LCORL: variants seen among roughly 807,000 people sequenced by gnomAD.
LCORL encodes the protein ligand-dependent nuclear receptor corepressor-like protein.
A neutral mutation model predicts 141.8 loss-of-function variants in LCORL; 41 were observed. The observed-to-expected ratio is 0.29, with a 90% CI of 0.23 to 0.38. The LOEUF (loss-of-function observed/expected upper bound fraction) is 0.38. LCORL is among the 10% of genes least tolerant of loss of function. The pLI, the probability that LCORL is intolerant of heterozygous loss-of-function variation, is 1.00. For missense variants in LCORL, 1,759 were observed against 2,035.0 expected (o/e 0.86, Z 2.61); for synonymous variants, 618 against 694.1 (o/e 0.89, Z 1.72).
chr4:17,848,316 G>A (rs1723178312), intron 7 of LCORL, among the ~76,000 whole-genome samples: 1 of 152,186 alleles, frequency 6.6e-6, no homozygotes, highest in Admixed American at 6.5e-5. Flanking sequence ...GCTGGAACCA[G>A]GGGCATTAGA....
intron 2 of LCORL, among the ~76,000 whole-genome samples, chr4:17,963,576 G>A (rs1481559940): frequency 6.6e-6 from 1 of 151,816 alleles, no homozygotes; most frequent in Non-Finnish European, 1.5e-5. Context: ...TAAAGGCTTT[G>A]TTGCAAGAAT....
At chr4:17,891,096 T>C (rs1265538070) in intron 5 of LCORL, among the ~76,000 whole-genome samples, 1 of 152,186 alleles carries the variant, frequency 6.6e-6, no homozygotes, top group African/African-American at 2.4e-5. Context: ...TTAAACCTAA[T>C]GTGTTTAAAA....
chr4:17,881,768 A>C (rs1197611663), intron 6 of LCORL: 15 of 976,384 alleles, frequency 1.5e-5, no homozygotes, highest in African/African-American at 1.8e-5. Context: ...AAAGCCCCCA[A>C]AGTTTTCCAA....
intron 1 of LCORL, among the ~76,000 whole-genome samples, chr4:17,999,771 G>A (rs191347737): frequency 5.3e-4 from 80 of 152,256 alleles, no homozygotes; most frequent in Middle Eastern, 3.4e-3. Context: ...GAAAGCCAAT[G>A]TTCCTTAAAA....
chr4:18,009,965 G>A (rs1723434599), intron 1 of LCORL, among the ~76,000 whole-genome samples: 1 of 152,098 alleles, frequency 6.6e-6, no homozygotes, highest in African/African-American at 2.4e-5. Context: ...CCCACTTGAT[G>A]TTTTAGTACT....
intron 4 of LCORL, among the ~76,000 whole-genome samples, chr4:17,918,439 G>A (rs1733795406): frequency 6.6e-6 from 1 of 152,064 alleles, no homozygotes. Context: ...TAGGTTCAAA[G>A]AATGAAAGGA....
rs573124532 is a variant in LCORL, at chr4:17,878,786, A to G, written c.777-573T>C. ...CGTTAGCTATTTAAAAATAAAATCT[A>G]TTTTTAATTGATGTTAAATACTAAA... On this transcript the variant is annotated intron_variant, in intron 6 of 7. Transcript: ENST00000635767. Among the ~76,000 whole-genome samples, 16 of 151,438 alleles carry G rather than the reference A, an allele frequency of 1.1e-4. No individual in the cohort carries two copies. In the East Asian group the frequency reaches 2.9e-3, roughly 28 times the overall value.
chr4:17,928,744 AAAGC>A (rs1473658573), intron 4 of LCORL, among the ~76,000 whole-genome samples: 2 of 152,220 alleles, frequency 1.3e-5, no homozygotes, highest in Non-Finnish European at 2.9e-5. Context: ...CCAAGGCAAT[AAAGC>A]AAGAAAAATA....
intron 7 of LCORL, among the ~76,000 whole-genome samples, chr4:17,870,128 C>T (rs1037258470): frequency 1.3e-5 from 2 of 152,046 alleles, no homozygotes; most frequent in Non-Finnish European, 2.9e-5. Context: ...TGATAAATTA[C>T]TCAATATTCC....
At chr4:17,897,213 C>CTT (rs761784734) in intron 5 of LCORL, among the ~76,000 whole-genome samples, 1 of 63,992 alleles carries the variant, frequency 1.6e-5, no homozygotes, top group Non-Finnish European at 2.9e-5. Context: ...ATACTGATTT[C>CTT]TTTTTTTTTT....
intron 1 of LCORL, among the ~76,000 whole-genome samples, chr4:18,013,900 C>T (rs995316638): frequency 6.6e-6 from 1 of 151,960 alleles, no homozygotes; most frequent in South Asian, 2.1e-4. Flanking sequence ...CTCCGCCTCC[C>T]GGGTTCAAGC....
At chr4:17,990,648 T>G (rs1251375619) in intron 1 of LCORL, among the ~76,000 whole-genome samples, 1 of 151,798 alleles carries the variant, frequency 6.6e-6, no homozygotes, top group Non-Finnish European at 1.5e-5. Flanking sequence ...CTTGGTTTTT[T>G]TTTTTTTTTT....
intron 6 of LCORL, chr4:17,880,738 A>G (rs1727453636): frequency 3.6e-5 from 35 of 968,740 alleles, no homozygotes; most frequent in Non-Finnish European, 4.3e-5. Context: ...CTGAACAATT[A>G]AAATTCATAC....
chr4:17,955,356 C>G (rs1261797931), intron 4 of LCORL, among the ~76,000 whole-genome samples: 1 of 151,980 alleles, frequency 6.6e-6, no homozygotes, highest in African/African-American at 2.4e-5. Context: ...GAAAGTCTAA[C>G]TAGGATGGAT....
chr4:17,843,463 C>CAGTT (rs1314371378), exon 8 of LCORL: 18 of 1,595,962 alleles, frequency 1.1e-5, no homozygotes, highest in Non-Finnish European at 1.5e-5. Context: ...AGATTATGTC[C>CAGTT]AGTTATTTGC....
rs76176842 is a variant in LCORL at position 17,965,703 on chromosome 4, T to C, written c.221-2654A>G. Among the ~76,000 whole-genome samples, 240 of 152,202 alleles carry C rather than the reference T, an allele frequency of 1.6e-3. 8 individuals are homozygous for C. The East Asian group carries it at 0.042, about 27-fold the overall frequency. On this transcript the variant is annotated intron_variant, in intron 2 of 7. Coordinates refer to ENST00000635767, the Ensembl canonical transcript of LCORL. ...TTTTTGTGGCTTTTCCACATACTCA[T>C]GTGGCCTCAGTCAGGCAAGTTAACT...
At chr4:17,863,831 C>G (rs562817731) in intron 7 of LCORL, among the ~76,000 whole-genome samples, 1 of 152,304 alleles carries the variant, frequency 6.6e-6, no homozygotes, top group African/African-American at 2.4e-5. Flanking sequence ...GCAATGCGAT[C>G]ATGTCCTCTG....
At chr4:17,885,475 CAGTT>C (rs1167953254) in intron 6 of LCORL, among the ~76,000 whole-genome samples, 5 of 151,638 alleles carry the variant, frequency 3.3e-5, no homozygotes, top group South Asian at 2.1e-4. Flanking sequence ...GCTTCCTATG[CAGTT>C]AGTTAATGGG....
intron 4 of LCORL, among the ~76,000 whole-genome samples, chr4:17,952,372 T>C (rs1711536844): frequency 6.6e-6 from 1 of 150,892 alleles, no homozygotes; most frequent in African/African-American, 2.4e-5. Context: ...ACAAATTATA[T>C]AAAGATAAAT....
Sources: gnomAD v4.1 joint callset for allele counts (sites outside exome capture counted in the v4.1 genomes callset) on GRCh38, gnomAD v4.1.1 for gene constraint, MANE v1.5 for transcripts, NCBI Gene and HGNC (gene_info 2026-07-23, HGNC 2026-07-21) for gene names.